CPNE4: variants seen among roughly 807,000 people sequenced by gnomAD.
CPNE4 encodes copine-4.
In CPNE4, 25 loss-of-function variants were observed where a neutral mutation model predicts 67.9. The ratio of observed to expected loss-of-function variants is 0.37; its 90% CI spans 0.27 to 0.51. CPNE4 has a LOEUF of 0.51. CPNE4 is among the 20% of genes least tolerant of loss of function. The pLI is 0.93. For missense variants in CPNE4, 464 were observed against 690.8 expected (o/e 0.67, Z 3.68); for synonymous variants, 242 against 244.9 (o/e 0.99, Z 0.11).
intron 3 of CPNE4, among the ~76,000 whole-genome samples, chr3:131,714,305 C>A (rs73871398): frequency 0.035 from 5,357 of 152,132 alleles, 325 homozygotes; most frequent in African/African-American, 0.12. Context: ...GACCACTGTG[C>A]CTGACATAAT....
At chr3:131,588,920 C>T (rs575544892) in intron 7 of CPNE4, among the ~76,000 whole-genome samples, 82 of 152,232 alleles carry the variant, frequency 5.4e-4, no homozygotes, top group South Asian at 5.2e-3. Context: ...ACTCCTATCC[C>T]CCTTATAACC....
intron 2 of CPNE4, among the ~76,000 whole-genome samples, chr3:131,817,993 T>C (rs1472611943): frequency 6.6e-6 from 1 of 152,220 alleles, no homozygotes; most frequent in Non-Finnish European, 1.5e-5. Context: ...GTGCACCTTG[T>C]GGCTTGGTGC....
chr3:131,837,706 AAGAG>A (rs1481505473), intron 2 of CPNE4, among the ~76,000 whole-genome samples: 1 of 152,014 alleles, frequency 6.6e-6, no homozygotes, highest in Non-Finnish European at 1.5e-5. Context: ...AAAGAAGATG[AAGAG>A]AGAAAGTACA....
chr3:131,836,857 A>T lies in CPNE4; in HGVS notation c.180+68407T>A, dbSNP rs556414931. ...AAGACTTGTATAACCAGAATATATA[A>T]AGAATTCTCTAAACTCAACAGTAAG... On this transcript the variant is annotated intron_variant, in intron 2 of 15. Coordinates refer to ENST00000429747, the MANE Select transcript of CPNE4 (RefSeq NM_130808.3). Among the ~76,000 whole-genome samples the T allele has an allele frequency of 9.8e-5, 15 of 152,302 alleles. No individual in the cohort carries two copies. The South Asian group carries it at 2.9e-3, about 29-fold the overall frequency.
chr3:131,585,864 TG>T (rs1938147393), intron 8 of CPNE4, among the ~76,000 whole-genome samples: 1 of 152,132 alleles, frequency 6.6e-6, no homozygotes, highest in Non-Finnish European at 1.5e-5. Context: ...TCCTGGCTTG[TG>T]GGTGATGGTC....
chr3:131,859,706 G>C (rs1408445299), intron 2 of CPNE4, among the ~76,000 whole-genome samples: 1 of 152,134 alleles, frequency 6.6e-6, no homozygotes, highest in Non-Finnish European at 1.5e-5. Context: ...AACAGCTAAT[G>C]TTGCCAACCA....
At chr3:131,669,853 T>C in intron 6 of CPNE4, 89 bp from the exon 7 acceptor site, 2 of 999,224 alleles carry the variant, frequency 2.0e-6, no homozygotes, top group Non-Finnish European at 3.1e-6. Flanking sequence ...GAAACCATTG[T>C]GATGCTTATG....
intron 3 of CPNE4, among the ~76,000 whole-genome samples, chr3:131,701,063 G>A (rs555932208): frequency 1.1e-3 from 158 of 139,156 alleles, no homozygotes; most frequent in Admixed American, 2.3e-3. Context: ...TTGGACACAG[G>A]AAGGGGAACA....
intron 7 of CPNE4, among the ~76,000 whole-genome samples, chr3:131,609,705 A>T (rs998754597): frequency 3.9e-5 from 6 of 152,194 alleles, no homozygotes; most frequent in Admixed American, 6.5e-5. Flanking sequence ...ATGTGATTGG[A>T]ATGGAGCTGG....
chr3:132,010,678 A>T (rs539962715), intron 1 of CPNE4, among the ~76,000 whole-genome samples: 1 of 152,312 alleles, frequency 6.6e-6, no homozygotes, highest in East Asian at 1.9e-4. Flanking sequence ...ATGTTCTCAC[A>T]GTGCATGTAG....
chr3:131,766,139 C>G (rs2083007234), intron 2 of CPNE4, among the ~76,000 whole-genome samples: 2 of 152,166 alleles, frequency 1.3e-5, no homozygotes, highest in Admixed American at 1.3e-4. Context: ...GCCTGCATTT[C>G]AGACTCTGGC....
intron 2 of CPNE4, among the ~76,000 whole-genome samples, chr3:131,735,454 G>C (rs2082213396): frequency 6.6e-6 from 1 of 152,230 alleles, no homozygotes; most frequent in South Asian, 2.1e-4. Context: ...TAAGGTTTGA[G>C]AACCCTTCCC....
At chr3:131,632,269 T>A (rs1356873568) in intron 7 of CPNE4, among the ~76,000 whole-genome samples, 1 of 151,810 alleles carries the variant, frequency 6.6e-6, no homozygotes, top group Non-Finnish European at 1.5e-5. Context: ...CTTGGCCTCC[T>A]AAAGTGCTGG....
chr3:131,574,285 T>A (rs541940585), intron 10 of CPNE4, among the ~76,000 whole-genome samples: 1 of 152,278 alleles, frequency 6.6e-6, no homozygotes, highest in African/African-American at 2.4e-5. Context: ...CTAGCACATC[T>A]GTCTTTTGCC....
intron 7 of CPNE4, among the ~76,000 whole-genome samples, chr3:131,596,619 C>T (rs1234657448): frequency 6.6e-5 from 2 of 30,180 alleles, no homozygotes; most frequent in African/African-American, 1.8e-4. Flanking sequence ...GAGACTCCGT[C>T]TCAAAAAAAA....
At chr3:131,585,816 T>C (rs549569123) in intron 8 of CPNE4, among the ~76,000 whole-genome samples, 3 of 152,284 alleles carry the variant, frequency 2.0e-5, no homozygotes, top group Admixed American at 2.0e-4. Context: ...TTGCTTATAA[T>C]TTAGTGTTGG....
intron 3 of CPNE4, among the ~76,000 whole-genome samples, chr3:131,721,241 A>ACTTACT (rs1312608075): frequency 7.9e-5 from 12 of 151,694 alleles, no homozygotes; most frequent in African/African-American, 2.9e-4. Context: ...CTTACTTGCA[A>ACTTACT]GGTTAAGGAC....
In CPNE4 at chr3:131,858,545, G is replaced by A. The variant is rs141346172; in HGVS notation, c.180+46719C>T. 5.1e-3 allele frequency among the ~76,000 whole-genome samples: 777 copies of A among 152,036 alleles called. 9 individuals are homozygous for A. Among genetic ancestry groups the A allele is most frequent in the African/African-American group, 0.018 (742 of 41,490 alleles). ...ATCCATAGTGGCCCTTTTAGAAATTGGCATGAAAGATATCTTAGGTATCAT... is the reference window on the plus strand; with the variant it reads ...ATCCATAGTGGCCCTTTTAGAAATTAGCATGAAAGATATCTTAGGTATCAT... On this transcript the variant is annotated intron_variant, in intron 2 of 15. Coordinates refer to ENST00000429747, the MANE Select transcript of CPNE4 (RefSeq NM_130808.3).
At chr3:131,648,208 CA>C (rs2079714165) in intron 7 of CPNE4, among the ~76,000 whole-genome samples, 1 of 152,030 alleles carries the variant, frequency 6.6e-6, no homozygotes, top group African/African-American at 2.4e-5. Flanking sequence ...CCTAACTCTA[CA>C]AAAAACACAA....
Sources: gnomAD v4.1 joint callset for allele counts (sites outside exome capture counted in the v4.1 genomes callset) on GRCh38, gnomAD v4.1.1 for gene constraint, MANE v1.5 for transcripts, NCBI Gene and HGNC (gene_info 2026-07-23, HGNC 2026-07-21) for gene names.